BCL11A: variants seen among roughly 807,000 people sequenced by gnomAD.
The protein encoded by BCL11A is B cell CLL/lymphoma 11A.
In BCL11A, 2 loss-of-function variants were observed where a neutral mutation model predicts 55.9. That is an observed-to-expected ratio of 0.04 (90% CI 0.01 to 0.11). The LOEUF (loss-of-function observed/expected upper bound fraction) is 0.11. Among genes scored for constraint, BCL11A ranks in the 10% least tolerant of loss-of-function variants. BCL11A has a pLI of 1.00. For synonymous variants in BCL11A, 465 were observed against 473.4 expected (o/e 0.98, Z 0.23); for missense variants, 817 against 1,137.1 (o/e 0.72, Z 4.05).
At chr2:60,535,070 A>G (rs1310491260) in intron 2 of BCL11A, 1 of 152,258 alleles carries the variant, frequency 6.6e-6, no homozygotes, top group African/African-American at 2.4e-5. Flanking sequence ...AGGCCAATCA[A>G]AAATGCAAAA....
At chr2:60,530,938 A>C (rs1478433687) in intron 2 of BCL11A, among the ~76,000 whole-genome samples, 2 of 152,130 alleles carry the variant, frequency 1.3e-5, no homozygotes, top group Admixed American at 1.3e-4. Context: ...AAAGTGCTTC[A>C]AGTTCAGGGC....
intron 2 of BCL11A, chr2:60,534,957 T>C (rs1315855571): frequency 1.3e-5 from 2 of 152,260 alleles, no homozygotes; most frequent in Non-Finnish European, 2.9e-5. Context: ...TTTTGCAAGA[T>C]TGAAAATCTA....
At chr2:60,542,758 G>A (rs1573090126) in intron 2 of BCL11A, 5 of 152,450 alleles carry the variant, frequency 3.3e-5, no homozygotes, top group Admixed American at 3.3e-4. Context: ...GCCAGGTGCG[G>A]TCGCTCAAGC....
Position 60,460,204 on chromosome 2 carries a change from A to C in BCL11A, c.*200T>G. 1.5e-6 allele frequency: 2 copies of C among 1,310,306 alleles called. No individual in the cohort carries two copies. The highest frequency in any genetic ancestry group is 5.1e-5 in the South Asian group (2 of 39,482). The allele number at this position is 1,310,306 out of a possible 1,614,324, so 81.2% of individuals were successfully genotyped here. A position where few individuals can be genotyped will look rare whatever the true frequency, so the allele number is the denominator to read the frequency against. Reference sequence around the variant, plus strand: ...AAAAGGAAAAAGAAAAAAGAAAAAGAAAAAGAAAAAAAACAGGTGTGCTGG... The same window carrying C: ...AAAAGGAAAAAGAAAAAAGAAAAAGCAAAAGAAAAAAAACAGGTGTGCTGG... On this transcript the variant is annotated 3_prime_UTR_variant, in exon 4 of 4. Coordinates refer to ENST00000642384, the MANE Select transcript of BCL11A (RefSeq NM_022893.4).
At chr2:60,532,187 A>G (rs1669487500) in intron 2 of BCL11A, among the ~76,000 whole-genome samples, 1 of 152,200 alleles carries the variant, frequency 6.6e-6, no homozygotes. Flanking sequence ...AAGTTCTTCA[A>G]ATTTTGAGAA....
intron 2 of BCL11A, among the ~76,000 whole-genome samples, chr2:60,511,247 C>A (rs762907727): frequency 2.8e-4 from 42 of 152,342 alleles, no homozygotes; most frequent in Non-Finnish European, 5.4e-4. Flanking sequence ...AGGGACAAAT[C>A]CCTTCTACCT....
At chr2:60,471,400 G>T (rs1677188364) in intron 2 of BCL11A, among the ~76,000 whole-genome samples, 1 of 152,246 alleles carries the variant, frequency 6.6e-6, no homozygotes, top group Non-Finnish European at 1.5e-5. Flanking sequence ...TGATTCTGCT[G>T]CTTCTTCCAC....
At position 60,468,825 on chromosome 2, in the gene BCL11A, G is replaced by C; in HGVS notation, c.394C>G (p.Leu132Val). The change falls in exon 3 of 4, where the codon CTG becomes GTG. Residue 132 changes from leucine to valine, a missense_variant. This residue lies in a region of BCL11A where 363 missense variants were observed against 486.6 expected (regional missense o/e 0.75). Transcript: ENST00000642384. Reference sequence around the variant, plus strand: ...GGGGAGGAGAGGCCCCTCCAGTGCAGAAGTTTATCTGTGAAAGAAACCCAA... The same window carrying C: ...GGGGAGGAGAGGCCCCTCCAGTGCACAAGTTTATCTGTGAAAGAAACCCAA... ...PKQEHIADKL[L>V]HWRGLSSPRS... 1 of 1,606,254 alleles carries C rather than the reference G, an allele frequency of 6.2e-7. No individual in the cohort carries two copies. Among genetic ancestry groups the C allele is most frequent in the Non-Finnish European group, 8.5e-7 (1 of 1,177,780 alleles).
At chr2:60,549,193 C>T (rs556258626) in intron 1 of BCL11A, among the ~76,000 whole-genome samples, 4 of 152,268 alleles carry the variant, frequency 2.6e-5, no homozygotes, top group South Asian at 4.1e-4. Context: ...CAGCCTGGAA[C>T]GTCTCAATGT....
intron 2 of BCL11A, chr2:60,543,756 T>TA (rs1670027870): frequency 1.3e-5 from 2 of 152,250 alleles, no homozygotes; most frequent in African/African-American, 4.8e-5. Flanking sequence ...TAATTATTCA[T>TA]GCACGAAAGG....
chr2:60,475,045 G>A lies in BCL11A; in HGVS notation c.386-6212C>T, dbSNP rs79533634. Among the ~76,000 whole-genome samples, 1,055 of 152,326 alleles carry A rather than the reference G, an allele frequency of 6.9e-3. 9 individuals are homozygous for A. The highest frequency in any genetic ancestry group is 0.024 in the African/African-American group (1,005 of 41,566). On this transcript the variant is annotated intron_variant, in intron 2 of 3. Coordinates refer to ENST00000642384, the MANE Select transcript of BCL11A (RefSeq NM_022893.4). ...TTATGAGTTAAACCTGGAGAGCCAA[G>A]AGAAAGGATATCCTAGATAAAAAGA...
chr2:60,527,847 G>A (rs1259660815), intron 2 of BCL11A: 4 of 152,190 alleles, frequency 2.6e-5, no homozygotes, highest in Admixed American at 6.5e-5. Context: ...ATTTGGTTTT[G>A]GAATACATTG....
chr2:60,458,579 AGTCAAGTAAATGG>A lies in BCL11A; in HGVS notation c.*1812_*1824del. The A allele has an allele frequency of 9.6e-7, 1 of 1,036,778 alleles. No individual in the cohort carries two copies. Among genetic ancestry groups the A allele is most frequent in the Non-Finnish European group, 1.2e-6 (1 of 860,892 alleles). The allele number at this position is 1,036,778 out of a possible 1,614,324, so 64.2% of individuals were successfully genotyped here. ...TTGCGTCCAAGTAAGTAAGCTCAAT[AGTCAAGTAAATGG>A]CTGGCAAAGTTTTTTTTTTTTTAGT... is the stretch of plus-strand genomic sequence containing the variant. On this transcript the variant is annotated 3_prime_UTR_variant, in exon 4 of 4. Transcript: ENST00000642384.
intron 2 of BCL11A, among the ~76,000 whole-genome samples, chr2:60,531,157 T>C (rs575315095): frequency 6.7e-6 from 1 of 150,078 alleles, no homozygotes; most frequent in South Asian, 2.1e-4. Context: ...CCTCAGAAAT[T>C]AGAGAAAAAA....
intron 2 of BCL11A, among the ~76,000 whole-genome samples, chr2:60,481,260 C>G (rs1228031167): frequency 6.6e-6 from 1 of 152,204 alleles, no homozygotes; most frequent in Non-Finnish European, 1.5e-5. Flanking sequence ...CCTAGCCACC[C>G]ATCTCTGCTT....
chr2:60,464,221 A>G (rs1240934644), intron 3 of BCL11A, among the ~76,000 whole-genome samples: 1 of 152,224 alleles, frequency 6.6e-6, no homozygotes, highest in Non-Finnish European at 1.5e-5. Flanking sequence ...GGTTTCAAAC[A>G]TTTGTCTAAT....
chr2:60,504,778 T>C (rs1239053743), intron 2 of BCL11A, among the ~76,000 whole-genome samples: 4 of 152,184 alleles, frequency 2.6e-5, no homozygotes, highest in Non-Finnish European at 5.9e-5. Flanking sequence ...AGAGGTGGAA[T>C]ATCAGGTACA....
Position 60,461,264 on chromosome 2 carries a change from T to C in BCL11A, c.1648A>G (p.Met550Val), listed in dbSNP as rs758875044. ...SRALPDVMQGMVLSSMQHFSE... is the reference protein window; with the variant it reads ...SRALPDVMQGVVLSSMQHFSE... ...AAGTGCTGCATGGAGCTGAGCACCA[T>C]GCCCTGCATGACGTCGGGCAGGGCG... The change falls in exon 4 of 4, where the codon ATG becomes GTG. Residue 550 changes from methionine to valine, a missense_variant. By Grantham distance (21) the Met-to-Val change is conservative (BLOSUM62 1). This residue lies in a region of BCL11A where 379 missense variants were observed against 425.3 expected (regional missense o/e 0.89). Transcript: ENST00000642384. 6.1e-5 allele frequency: 96 copies of C among 1,586,720 alleles called. 1 individual carries two copies. In the East Asian group the frequency reaches 2.1e-3, roughly 34 times the overall value.
At chr2:60,532,718 C>A (rs1194599601) in intron 2 of BCL11A, 2 of 152,144 alleles carry the variant, frequency 1.3e-5, no homozygotes, top group Non-Finnish European at 2.9e-5. Context: ...GCTTTCTACC[C>A]CTCCACTCCC....
Sources: allele counts gnomAD v4.1 joint callset (sites outside exome capture counted in the v4.1 genomes callset), GRCh38; gene constraint gnomAD v4.1.1; regional missense constraint gnomAD v4.1.1; transcripts MANE v1.5; gene names NCBI Gene and HGNC (gene_info 2026-07-23, HGNC 2026-07-21).